Variants in THSD4 observed in about 807,000 individuals in gnomAD.
THSD4 encodes the protein thrombospondin type-1 domain-containing protein 4.
THSD4 carries 69 observed loss-of-function variants against 119.0 expected under a neutral mutation model. The ratio of observed to expected loss-of-function variants is 0.58; its 90% CI spans 0.48 to 0.71. The LOEUF (loss-of-function observed/expected upper bound fraction) is 0.71. THSD4 is among the 30% of genes least tolerant of loss of function. THSD4 has a pLI of 0.00. For missense variants in THSD4, 1,393 were observed against 1,391.1 expected, an observed-to-expected ratio of 1.00 and a Z score of -0.02; for synonymous variants, 524 against 540.4, an observed-to-expected ratio of 0.97 and a Z score of 0.42.
At chr15:71,601,635 C>A (rs913278178) in intron 7 of THSD4, among the ~76,000 whole-genome samples, 12 of 152,210 alleles carry the variant, frequency 7.9e-5, no homozygotes, top group Non-Finnish European at 1.5e-4. Context: ...AGGCTGTAAT[C>A]TTTGATGACT....
At chr15:71,557,831 T>G (rs1475959959) in intron 7 of THSD4, among the ~76,000 whole-genome samples, 1 of 152,158 alleles carries the variant, frequency 6.6e-6, no homozygotes, top group Non-Finnish European at 1.5e-5. Flanking sequence ...CCTTTTTTGT[T>G]TCCTAATATT....
At chr15:71,157,140 A>T (rs572056117) in intron 3 of THSD4, among the ~76,000 whole-genome samples, 1 of 152,180 alleles carries the variant, frequency 6.6e-6, no homozygotes, top group Admixed American at 6.5e-5. Context: ...ATAACGGAAA[A>T]TACTTTATAC....
chr15:71,414,815 T>C (rs2046737534), intron 7 of THSD4, among the ~76,000 whole-genome samples: 1 of 152,170 alleles, frequency 6.6e-6, no homozygotes, highest in Non-Finnish European at 1.5e-5. Flanking sequence ...GATGTGAGTA[T>C]ATTAATAGGG....
rs578069447 is a variant in THSD4, at chr15:71,189,627, G to A, written c.100-25408G>A. Among the ~76,000 whole-genome samples, 70 of 151,362 alleles carry A rather than the reference G, an allele frequency of 4.6e-4. 3 individuals carry two copies. In the South Asian group the frequency reaches 0.014, roughly 31 times the overall value. On this transcript the variant is annotated intron_variant, in intron 3 of 17. Coordinates refer to ENST00000261862, the MANE Select transcript of THSD4 (RefSeq NM_024817.3). ...GGAGCTTACAGTGAGCCGAGATCGC[G>A]CCACTGCACTCCAGTCTGGGCGACA...
intron 4 of THSD4, among the ~76,000 whole-genome samples, chr15:71,225,909 C>T (rs2044014263): frequency 6.6e-6 from 1 of 152,040 alleles, no homozygotes. Flanking sequence ...GACATTGTAA[C>T]TCTTCAATTC....
At chr15:71,411,305 G>A (rs1329440042) in intron 6 of THSD4, among the ~76,000 whole-genome samples, 1 of 152,114 alleles carries the variant, frequency 6.6e-6, no homozygotes, top group Non-Finnish European at 1.5e-5. Flanking sequence ...CAAATATGGG[G>A]AGAGCTGATA....
At chr15:71,432,163 C>T (rs2046951264) in intron 7 of THSD4, among the ~76,000 whole-genome samples, 1 of 152,166 alleles carries the variant, frequency 6.6e-6, no homozygotes, top group Admixed American at 6.5e-5. Flanking sequence ...AAACTAAACA[C>T]CATTTTGTAT....
At chr15:71,598,842 T>G (rs1384563148) in intron 7 of THSD4, among the ~76,000 whole-genome samples, 2 of 152,096 alleles carry the variant, frequency 1.3e-5, no homozygotes, top group Admixed American at 1.3e-4. Flanking sequence ...GGTCTCGAAC[T>G]CCTGGGCTCA....
At chr15:71,649,345 C>G (rs1326218245) in intron 7 of THSD4, among the ~76,000 whole-genome samples, 1 of 152,134 alleles carries the variant, frequency 6.6e-6, no homozygotes, top group Admixed American at 6.5e-5. Context: ...GTGATCTCAA[C>G]TCACTGCAAT....
intron 7 of THSD4, among the ~76,000 whole-genome samples, chr15:71,422,904 C>T (rs900439277): frequency 1.3e-5 from 2 of 152,134 alleles, no homozygotes; most frequent in African/African-American, 4.8e-5. Context: ...AGCCAGAAGA[C>T]AAAGTTCTTC....
At position 71,777,463 on chromosome 15, in the gene THSD4, C is replaced by A; in HGVS notation, c.*89C>A. ...TGGCTGGCTGCTGCTCCACCACGGG[C>A]CCCCTGGCCCAGGCGCTGCCAACCA... On this transcript the variant is annotated 3_prime_UTR_variant, in exon 18 of 18. Transcript: ENST00000261862. 7 of 1,503,106 alleles carry A rather than the reference C, an allele frequency of 4.7e-6. No homozygotes were observed. In the Admixed American group the frequency reaches 1.2e-4, roughly 27 times the overall value. The allele number at this position is 1,503,106 out of a possible 1,614,324, so 93.1% of individuals were successfully genotyped here.
At chr15:71,525,886 A>G (rs909320204) in intron 7 of THSD4, among the ~76,000 whole-genome samples, 3 of 152,206 alleles carry the variant, frequency 2.0e-5, no homozygotes, top group Admixed American at 2.0e-4. Context: ...CATTCCCTGT[A>G]GAACCTGAAC....
At chr15:71,311,644 G>A (rs1396973890) in intron 6 of THSD4, among the ~76,000 whole-genome samples, 1 of 152,084 alleles carries the variant, frequency 6.6e-6, no homozygotes, top group Non-Finnish European at 1.5e-5. Flanking sequence ...GACAAACCTA[G>A]CATTATATGT....
At chr15:71,596,017 A>G (rs1424604598) in intron 7 of THSD4, among the ~76,000 whole-genome samples, 1 of 152,174 alleles carries the variant, frequency 6.6e-6, no homozygotes, top group Non-Finnish European at 1.5e-5. Context: ...ATCCTACCTC[A>G]CTGTTGCTTC....
chr15:71,662,764 A>G (rs1166272585), intron 8 of THSD4, among the ~76,000 whole-genome samples: 2 of 152,188 alleles, frequency 1.3e-5, no homozygotes, highest in Admixed American at 6.5e-5. Context: ...TCACCTTATA[A>G]GTAGTCATGC....
intron 1 of THSD4, among the ~76,000 whole-genome samples, chr15:71,097,548 AAAGCAAGACTCT>A (rs2040235803): frequency 2.7e-5 from 4 of 150,010 alleles, no homozygotes; most frequent in Non-Finnish European, 1.5e-5. Context: ...CCTGAGTGAC[AAAGCAAGACTCT>A]GTCTCGAAAA....
intron 6 of THSD4, among the ~76,000 whole-genome samples, chr15:71,308,934 TAGTGGGGAGTGA>T (rs777782686): frequency 1.4e-4 from 21 of 152,196 alleles, no homozygotes; most frequent in Non-Finnish European, 2.5e-4. Flanking sequence ...CTAGTCATCC[TAGTGGGGAGTGA>T]AGTGGTTTCT....
At chr15:71,356,191 T>C (rs2045807469) in intron 6 of THSD4, among the ~76,000 whole-genome samples, 1 of 152,124 alleles carries the variant, frequency 6.6e-6, no homozygotes, top group Non-Finnish European at 1.5e-5. Context: ...TTCTAATTAG[T>C]CTAGTGAGTT....
At position 71,400,279 on chromosome 15, in the gene THSD4, C is replaced by T. The variant is rs555883600; in HGVS notation, c.1016-11408C>T. ...GCATTTAAGCTTTAATAATGGAAAGCGCCCAAAACCTTTTCTTTTTCAGAA... is the reference window on the plus strand; with the variant it reads ...GCATTTAAGCTTTAATAATGGAAAGTGCCCAAAACCTTTTCTTTTTCAGAA... On this transcript the variant is annotated intron_variant, in intron 6 of 17. Coordinates refer to ENST00000261862, the MANE Select transcript of THSD4 (RefSeq NM_024817.3). 8.5e-5 allele frequency among the ~76,000 whole-genome samples: 13 copies of T among 152,244 alleles called. No homozygotes were observed. The South Asian group carries it at 1.2e-3, about 15-fold the overall frequency.
Sources: allele counts gnomAD v4.1 joint callset (sites outside exome capture counted in the v4.1 genomes callset), GRCh38; gene constraint gnomAD v4.1.1; transcripts MANE v1.5; gene names NCBI Gene and HGNC (gene_info 2026-07-23, HGNC 2026-07-21).